The following GLB1L variants were observed in gnomAD, a reference collection of about 807,000 sequenced individuals.
The protein encoded by GLB1L is galactosidase beta 1 like, also known as beta-galactosidase-1-like protein.
A neutral mutation model predicts 75.7 loss-of-function variants in GLB1L; 58 were observed. The observed-to-expected ratio is 0.77, with a 90% CI of 0.62 to 0.95. The LOEUF (loss-of-function observed/expected upper bound fraction) is 0.95. Among genes scored for constraint, GLB1L ranks in the 40% least tolerant of loss-of-function variants. GLB1L has a pLI of 0.00. For synonymous variants in GLB1L, 296 were observed against 303.0 expected, an observed-to-expected ratio of 0.98 and a Z score of 0.24; for missense variants, 797 against 805.5, an observed-to-expected ratio of 0.99 and a Z score of 0.13.
intron 1 of GLB1L, chr2:219,244,011 G>T (rs1951466242): frequency 7.4e-6 from 1 of 135,110 alleles, no homozygotes; most frequent in Non-Finnish European, 1.6e-5. Flanking sequence ...GAGGGTGGGG[G>T]TGGGGGTGGG....
At chr2:219,242,619 T>C in intron 4 of GLB1L, 45 bp from the exon 5 acceptor site, 4 of 1,582,022 alleles carry the variant, frequency 2.5e-6, no homozygotes. Context: ...AGGTTTTGTT[T>C]TGGGGTGTGG....
chr2:219,243,301 G>C lies in GLB1L; in HGVS notation c.86C>G (p.Ser29Trp). The C allele has an allele frequency of 1.3e-6, 2 of 1,598,544 alleles. No homozygotes were observed. Among genetic ancestry groups the C allele is most frequent in the Non-Finnish European group, 1.7e-6 (2 of 1,170,072 alleles). The change falls in exon 3 of 17, where the codon TCG (serine) becomes TGG (tryptophan). Residue 29 changes from serine (S) to tryptophan (W), a missense_variant. Coordinates refer to ENST00000295759, the MANE Select transcript of GLB1L (RefSeq NM_001286423.2). The stretch of plus-strand genomic sequence containing the variant: ...GTCATGACCCCTATCCACTACGAAC[G>C]ACCGAGTGTCTGCCTATAAAGAGAA... Reference protein sequence around the residue: ...TLLLPQADTRSFVVDRGHDRF... With the variant: ...TLLLPQADTRWFVVDRGHDRF...
Position 219,236,622 on chromosome 2 carries a change from ATT to A in GLB1L, c.*448_*449del, listed in dbSNP as rs1951247047. The A allele has an allele frequency of 1.2e-6, 1 of 821,284 alleles. No homozygotes were observed. Among genetic ancestry groups the A allele is most frequent in the Non-Finnish European group, 1.8e-6 (1 of 551,100 alleles). 50.9% of individuals were successfully genotyped at this position (821,284 alleles called of 1,614,324 possible). A position where few individuals can be genotyped will look rare whatever the true frequency, so the allele number is the denominator to read the frequency against. On this transcript the variant is annotated 3_prime_UTR_variant, in exon 17 of 17. Coordinates refer to ENST00000295759, the MANE Select transcript of GLB1L (RefSeq NM_001286423.2). ...ATGTGGAGCTGGTACTGTCTCTGGAATTTTAATCACAATAAAGTTTGGCAAGG... is the reference window on the plus strand; with the variant it reads ...ATGTGGAGCTGGTACTGTCTCTGGAATTAATCACAATAAAGTTTGGCAAGG...
intron 14 of GLB1L, 50 bp downstream of exon 14, chr2:219,238,199 TC>T: frequency 9.0e-6 from 12 of 1,335,792 alleles, no homozygotes; most frequent in Non-Finnish European, 1.3e-5. Flanking sequence ...GGCTAACGCT[TC>T]CTGGGGAAGG....
In GLB1L at chr2:219,243,002, G is replaced by C. The variant is rs569150985; in HGVS notation, c.240-84C>G. On this transcript the variant is annotated intron_variant, in intron 3 of 16. Coordinates refer to ENST00000295759, the MANE Select transcript of GLB1L (RefSeq NM_001286423.2). ...GCTCAGGCCTTGCAGGGAATCTCCA[G>C]GAAGCGGTTGGAAGGAGGTCCTGGC... is the stretch of plus-strand genomic sequence containing the variant. The C allele has an allele frequency of 5.3e-5, 84 of 1,577,612 alleles. No homozygotes were observed. The East Asian group carries it at 1.9e-3, about 35-fold the overall frequency.
Position 219,239,685 on chromosome 2 carries a change from A to T in GLB1L, c.781-3T>A. 1 of 1,614,124 alleles carries T rather than the reference A, an allele frequency of 6.2e-7. No individual in the cohort carries two copies. The highest frequency in any genetic ancestry group is 8.5e-7 in the Non-Finnish European group (1 of 1,180,020). ...CCTGTGTAGTACTCAGAGTTTACCT[A>T]GAGTGTGAAATGAAAGGAGTGTGAG... On this transcript the variant is annotated splice_region_variant and splice_polypyrimidine_tract_variant and intron_variant, in intron 8 of 16. Coordinates refer to ENST00000295759, the MANE Select transcript of GLB1L (RefSeq NM_001286423.2).
intron 15 of GLB1L, 31 bp downstream of exon 15, chr2:219,237,795 C>G (rs759507639): frequency 1.2e-6 from 2 of 1,613,436 alleles, no homozygotes; most frequent in Non-Finnish European, 1.7e-6. Context: ...TTAATCAAGC[C>G]CTGGGATATA....
chr2:219,238,670 GTGTGGTATAAGAGAAAAGA>G lies in GLB1L; in HGVS notation c.1137+16_1137+34del, dbSNP rs146847433. The G allele has an allele frequency of 3.9e-3, 6,280 of 1,604,910 alleles. 258 individuals carry two copies. In the East Asian group the frequency reaches 0.1, roughly 26 times the overall value. ...AGAATAGGCTATTTAGAAAAAAAAG[GTGTGGTATAAGAGAAAAGA>G]TGTGGAGGAACTTACCAGGTGCAGA... On this transcript the variant is annotated intron_variant, in intron 12 of 16. Coordinates refer to ENST00000295759, the MANE Select transcript of GLB1L (RefSeq NM_001286423.2).
chr2:219,244,790 G>T (rs1382237919), intron 1 of GLB1L, among the ~76,000 whole-genome samples: 2 of 152,200 alleles, frequency 1.3e-5, no homozygotes, highest in Non-Finnish European at 2.9e-5. Flanking sequence ...CCATGAGGTA[G>T]ATAATTATTT....
intron 3 of GLB1L, 49 bp downstream of exon 3, chr2:219,243,099 T>C: frequency 6.4e-7 from 1 of 1,560,802 alleles, no homozygotes; most frequent in African/African-American, 1.4e-5. Flanking sequence ...AAGGGGGCGG[T>C]AGAAAAAGTA....
intron 16 of GLB1L, 54 bp downstream of exon 16, chr2:219,237,454 CTTCT>C (rs1951277698): frequency 6.2e-7 from 1 of 1,605,110 alleles, no homozygotes; most frequent in South Asian, 1.1e-5. Context: ...TGCTCCCCTC[CTTCT>C]GTGATTTTTC....
At chr2:219,239,040 C>G in intron 11 of GLB1L, 52 bp downstream of exon 11, 2 of 1,279,898 alleles carry the variant, frequency 1.6e-6, no homozygotes. Context: ...GTGGGCACTC[C>G]CTTCCTCCAA....
chr2:219,237,375 G>C, intron 16 of GLB1L, 28 bp from the exon 17 acceptor site: 1 of 1,606,810 alleles, frequency 6.2e-7, no homozygotes, highest in African/African-American at 1.3e-5. Flanking sequence ...GGAAAGAGGG[G>C]AAAAGAAAGG....
chr2:219,237,212 C>T lies in GLB1L; in HGVS notation c.1825G>A (p.Asp609Asn). The change falls in exon 17 of 17, where the codon GAT becomes AAT. Residue 609 changes from aspartate to asparagine, a missense_variant. By Grantham distance (23) the Asp-to-Asn change is conservative (BLOSUM62 1). Coordinates refer to ENST00000295759, the MANE Select transcript of GLB1L (RefSeq NM_001286423.2). ...TGGACTTGGGGCTGGAGAGGTACAT[C>T]TTCTAGTTCCAGCAATGTAATTTTG... is the stretch of plus-strand genomic sequence containing the variant. The part of the protein sequence containing the change: ...LNKITLLELE[D>N]VPLQPQVQFL... The T allele has an allele frequency of 6.2e-7, 1 of 1,614,158 alleles. No homozygotes were observed. Among genetic ancestry groups the T allele is most frequent in the Non-Finnish European group, 8.5e-7 (1 of 1,180,028 alleles).
chr2:219,239,708 G>A (rs1336307155), intron 8 of GLB1L, 26 bp from the exon 9 acceptor site: 1 of 1,614,192 alleles, frequency 6.2e-7, no homozygotes, highest in Non-Finnish European at 8.5e-7. Context: ...AAAGGAGTGT[G>A]AGTGAGATGG....
chr2:219,241,434 GTGTGTGTGTATA>G (rs1189176951), intron 5 of GLB1L, among the ~76,000 whole-genome samples: 5 of 82,982 alleles, frequency 6.0e-5, no homozygotes, highest in African/African-American at 1.8e-4. Flanking sequence ...GTGTGTGTGT[GTGTGTGTGTATA>G]TATATATATA....
intron 5 of GLB1L, among the ~76,000 whole-genome samples, chr2:219,240,693 G>C (rs1191656753): frequency 6.6e-6 from 1 of 152,058 alleles, no homozygotes; most frequent in Admixed American, 6.5e-5. Flanking sequence ...GCAGTGAGCC[G>C]AGACTGCACC....
intron 5 of GLB1L, among the ~76,000 whole-genome samples, chr2:219,241,243 T>C (rs1438351285): frequency 6.7e-6 from 1 of 148,992 alleles, no homozygotes; most frequent in Non-Finnish European, 1.5e-5. Flanking sequence ...GCCGGGTGTG[T>C]TGGTGGGCAC....
chr2:219,238,013 C>G (rs1371113478), intron 14 of GLB1L, 56 bp from the exon 15 acceptor site: 47 of 1,556,248 alleles, frequency 3.0e-5, no homozygotes, highest in Non-Finnish European at 4.1e-5. Context: ...TTAGCCACTG[C>G]ATAGGAAACC....
Sources: allele counts gnomAD v4.1 joint callset (sites outside exome capture counted in the v4.1 genomes callset), GRCh38; gene constraint gnomAD v4.1.1; transcripts MANE v1.5; gene names NCBI Gene and HGNC (gene_info 2026-07-23, HGNC 2026-07-21).